FHIT: variants seen among roughly 807,000 people sequenced by gnomAD.
FHIT encodes bis(5'-adenosyl)-triphosphatase.
FHIT carries 19 observed loss-of-function variants against 17.9 expected under a neutral mutation model. The ratio of observed to expected loss-of-function variants is 1.06; its 90% CI spans 0.74 to 1.56. FHIT has a LOEUF of 1.56. Ranked by LOEUF, FHIT falls within the 40% of genes most tolerant of loss-of-function variation. The pLI is 0.00. For missense variants in FHIT, 248 were observed against 189.2 expected (o/e 1.31, Z -1.82); for synonymous variants, 81 against 69.7 (o/e 1.16, Z -0.81).
chr3:59,945,176 C>A (rs979605485), intron 7 of FHIT, among the ~76,000 whole-genome samples: 2 of 152,184 alleles, frequency 1.3e-5, no homozygotes, highest in Admixed American at 6.5e-5. Flanking sequence ...CACAACCTCA[C>A]CACTACCTGC....
intron 5 of FHIT, among the ~76,000 whole-genome samples, chr3:60,391,845 A>G (rs1361037151): frequency 6.6e-6 from 1 of 152,170 alleles, no homozygotes; most frequent in African/African-American, 2.4e-5. Context: ...GGGCTGCCTG[A>G]TAATGCATTA....
chr3:60,610,736 C>T (rs1559579826), intron 4 of FHIT, among the ~76,000 whole-genome samples: 1 of 152,192 alleles, frequency 6.6e-6, no homozygotes, highest in Non-Finnish European at 1.5e-5. Flanking sequence ...GATCGCTGCA[C>T]ATTTTTAAGA....
intron 8 of FHIT, among the ~76,000 whole-genome samples, chr3:59,835,170 C>G (rs890439068): frequency 2.6e-5 from 4 of 152,130 alleles, no homozygotes; most frequent in African/African-American, 9.7e-5. Flanking sequence ...TTATATCAGC[C>G]TGGGCCAAAA....
intron 2 of FHIT, among the ~76,000 whole-genome samples, chr3:61,113,944 CA>C: frequency 6.6e-6 from 1 of 152,156 alleles, no homozygotes; most frequent in South Asian, 2.1e-4. Context: ...CAAAACACAT[CA>C]AACAGGAAAT....
At chr3:61,220,019 C>T (rs2039794917) in intron 1 of FHIT, among the ~76,000 whole-genome samples, 1 of 151,660 alleles carries the variant, frequency 6.6e-6, no homozygotes, top group Non-Finnish European at 1.5e-5. Context: ...CAGCCCTCAC[C>T]TGACTTAACT....
In FHIT at chr3:60,313,330, C is replaced by T. The variant is rs1478774553; in HGVS notation, c.103+223530G>A. On this transcript the variant is annotated intron_variant, in intron 5 of 9. Coordinates refer to ENST00000492590, the MANE Select transcript of FHIT (RefSeq NM_002012.4). ...AACCCAGTTCTCTAAAATTAGGTGC[C>T]TTCTCAAGTAGGTCAAGCAACCGCA... Among the ~76,000 whole-genome samples the T allele has an allele frequency of 3.3e-5, 5 of 152,248 alleles. No individual in the cohort carries two copies. The South Asian group carries it at 6.2e-4, about 19-fold the overall frequency.
intron 5 of FHIT, among the ~76,000 whole-genome samples, chr3:60,224,687 T>C (rs1241162151): frequency 6.6e-6 from 1 of 151,066 alleles, no homozygotes; most frequent in Non-Finnish European, 1.5e-5. Context: ...TTCTCCTTTT[T>C]ATCTCTCACC....
chr3:61,185,317 A>G (rs2038473468), intron 2 of FHIT, among the ~76,000 whole-genome samples: 1 of 152,146 alleles, frequency 6.6e-6, no homozygotes, highest in Admixed American at 6.5e-5. Flanking sequence ...GACACTGATT[A>G]TTTTCCTTAC....
chr3:60,003,436 T>G (rs212021), intron 7 of FHIT, among the ~76,000 whole-genome samples: 151,832 of 152,292 alleles, frequency 1, 75,690 homozygotes, highest in Non-Finnish European at 1. Context: ...TATTGTATGG[T>G]CTTTCATTCC....
At chr3:60,458,659 T>C (rs1051362902) in intron 5 of FHIT, among the ~76,000 whole-genome samples, 21 of 152,132 alleles carry the variant, frequency 1.4e-4, no homozygotes, top group African/African-American at 4.3e-4. Context: ...TTTAGGTTTT[T>C]ATGCCCATCT....
chr3:60,607,491 G>A (rs1468079406), intron 4 of FHIT, among the ~76,000 whole-genome samples: 1 of 151,766 alleles, frequency 6.6e-6, no homozygotes. Flanking sequence ...TGAAGTTGGG[G>A]TAATTGGTGG....
intron 4 of FHIT, among the ~76,000 whole-genome samples, chr3:60,785,799 C>A (rs1412276810): frequency 6.6e-6 from 1 of 152,002 alleles, no homozygotes; most frequent in South Asian, 2.1e-4. Flanking sequence ...AAGATGGGTG[C>A]TGTAGGAGAC....
intron 7 of FHIT, among the ~76,000 whole-genome samples, chr3:59,946,069 G>A (rs557654639): frequency 9.9e-5 from 15 of 152,258 alleles, no homozygotes; most frequent in East Asian, 3.9e-4. Flanking sequence ...GAGAAGTCAC[G>A]TTGGTAGTTT....
intron 7 of FHIT, among the ~76,000 whole-genome samples, chr3:59,978,008 A>G (rs1708489428): frequency 6.6e-6 from 1 of 152,168 alleles, no homozygotes; most frequent in African/African-American, 2.4e-5. Flanking sequence ...TAATAAATGC[A>G]TTTAGCAAGC....
chr3:59,902,583 T>C (rs995007454), intron 8 of FHIT, among the ~76,000 whole-genome samples: 1 of 151,708 alleles, frequency 6.6e-6, no homozygotes, highest in Admixed American at 6.6e-5. Flanking sequence ...GCGATGTATA[T>C]ATCAATAATG....
chr3:60,756,756 G>A (rs1553718381), intron 4 of FHIT, among the ~76,000 whole-genome samples: 1 of 152,190 alleles, frequency 6.6e-6, no homozygotes. Flanking sequence ...GGAAGAAAAT[G>A]TGGAACAGAA....
chr3:60,115,691 C>T (rs1704925460), intron 5 of FHIT, among the ~76,000 whole-genome samples: 1 of 152,028 alleles, frequency 6.6e-6, no homozygotes, highest in African/African-American at 2.4e-5. Flanking sequence ...AATGAGAGAA[C>T]AAATTCTGAT....
chr3:61,105,314 C>T (rs776006748), intron 2 of FHIT, among the ~76,000 whole-genome samples: 7 of 151,880 alleles, frequency 4.6e-5, no homozygotes, highest in South Asian at 2.1e-4. Context: ...CCACTGGCTT[C>T]GTTTCTGGAA....
intron 4 of FHIT, among the ~76,000 whole-genome samples, chr3:60,762,308 C>G (rs1197607727): frequency 2.0e-5 from 3 of 152,044 alleles, no homozygotes; most frequent in Non-Finnish European, 2.9e-5. Flanking sequence ...TCAATAAGAT[C>G]AATAAGAATT....
Sources: allele counts gnomAD v4.1 joint callset (sites outside exome capture counted in the v4.1 genomes callset), GRCh38; gene constraint gnomAD v4.1.1; transcripts MANE v1.5; gene names NCBI Gene and HGNC (gene_info 2026-07-23, HGNC 2026-07-21).